RPS6KA1: variants seen among roughly 807,000 people sequenced by gnomAD.
RPS6KA1 encodes the protein ribosomal protein S6 kinase alpha-1.
RPS6KA1 carries 48 observed loss-of-function variants against 91.3 expected under a neutral mutation model. The observed-to-expected ratio is 0.53, with a 90% CI of 0.42 to 0.67. The LOEUF (loss-of-function observed/expected upper bound fraction) is 0.67. RPS6KA1 is among the 30% of genes least tolerant of loss of function. The probability of loss-of-function intolerance (pLI) is 0.00; values close to 1 mark genes in which losing one functional copy is unlikely to be tolerated. For synonymous variants in RPS6KA1, 359 were observed against 384.7 expected (o/e 0.93, Z 0.78); for missense variants, 719 against 960.5 (o/e 0.75, Z 3.32).
At chr1:26,570,383 G>A (rs1570464597) in intron 17 of RPS6KA1, among the ~76,000 whole-genome samples, 1 of 152,140 alleles carries the variant, frequency 6.6e-6, no homozygotes, top group Admixed American at 6.6e-5. Flanking sequence ...AGCTGCTTGC[G>A]AGGTCGAGGT....
chr1:26,572,119 C>A, intron 19 of RPS6KA1, 57 bp from the exon 20 acceptor site: 1 of 1,481,094 alleles, frequency 6.8e-7, no homozygotes, highest in South Asian at 1.1e-5. Context: ...CCACCGCAGC[C>A]CCAGCCCCAG....
Position 26,574,984 on chromosome 1 carries a change from G to T in RPS6KA1, c.*783G>T, listed in dbSNP as rs982465509. The T allele has an allele frequency of 1.8e-5, 3 of 165,458 alleles. No individual in the cohort carries two copies. Among genetic ancestry groups the T allele is most frequent in the Non-Finnish European group, 4.0e-5 (3 of 75,604 alleles). The allele number at this position is 165,458 out of a possible 1,614,324, so 10.2% of individuals were successfully genotyped here. A position where few individuals can be genotyped will look rare whatever the true frequency, so the allele number is the denominator to read the frequency against. On this transcript the variant is annotated 3_prime_UTR_variant, in exon 22 of 22. Coordinates refer to ENST00000374168, the MANE Select transcript of RPS6KA1 (RefSeq NM_002953.4). This position sits in a 1 kb window ranked among gnomAD's most constrained non-coding sequence, Gnocchi z 4.3. The stretch of plus-strand genomic sequence containing the variant: ...TTTCTTCCTCAGCTGGTTACTCAGG[G>T]TTCATCTGTCCATGGCCTTTCTAAT...
chr1:26,544,275 G>A (rs1570428292), intron 2 of RPS6KA1: 1 of 451,616 alleles, frequency 2.2e-6, no homozygotes, highest in East Asian at 7.0e-5. Context: ...GTCTCCACTT[G>A]ATAAGTGCCT....
intron 4 of RPS6KA1, among the ~76,000 whole-genome samples, chr1:26,550,783 C>T (rs1184026250): frequency 6.6e-6 from 1 of 152,174 alleles, no homozygotes; most frequent in Non-Finnish European, 1.5e-5. Flanking sequence ...AATTAAGGAG[C>T]GCTTCCTGGA....
At chr1:26,553,939 G>A (rs2076076053) in intron 7 of RPS6KA1, 3 of 413,352 alleles carry the variant, frequency 7.3e-6, no homozygotes, top group Non-Finnish European at 1.3e-5. Flanking sequence ...CTCAATGACT[G>A]TAGAGCTACT....
At position 26,547,145 on chromosome 1, in the gene RPS6KA1, G is replaced by C; in HGVS notation, c.226-44G>C. 6.2e-7 allele frequency: 1 copy of C among 1,603,112 alleles called. No individual in the cohort carries two copies. The highest frequency in any genetic ancestry group is 8.5e-7 in the Non-Finnish European group (1 of 1,170,382). The stretch of plus-strand genomic sequence containing the variant: ...GAAGATAGAGGTCAGCCTGGACTCA[G>C]ACCTCTCCCATCTTCTGCCCTGCTT... On this transcript the variant is annotated intron_variant, in intron 3 of 21. Coordinates refer to ENST00000374168, the MANE Select transcript of RPS6KA1 (RefSeq NM_002953.4). This position sits in a 1 kb window ranked among gnomAD's most constrained non-coding sequence, Gnocchi z 4.1.
chr1:26,547,165 C>G lies in RPS6KA1; in HGVS notation c.226-24C>G. 1.2e-6 allele frequency: 2 copies of G among 1,613,184 alleles called. No individual in the cohort carries two copies. The highest frequency in any genetic ancestry group is 8.5e-7 in the Non-Finnish European group (1 of 1,179,276). ...ACTCAGACCTCTCCCATCTTCTGCCCTGCTTCCTGCTCTGCCTTCTCAGGT... is the reference window on the plus strand; with the variant it reads ...ACTCAGACCTCTCCCATCTTCTGCCGTGCTTCCTGCTCTGCCTTCTCAGGT... On this transcript the variant is annotated intron_variant, in intron 3 of 21. Transcript: ENST00000374168. The surrounding 1 kb of genome is among the most constrained non-coding windows in gnomAD (Gnocchi z 4.1).
At position 26,574,820 on chromosome 1, in the gene RPS6KA1, GATCCC is replaced by G; in HGVS notation, c.*620_*624del. On this transcript the variant is annotated 3_prime_UTR_variant, in exon 22 of 22. Transcript: ENST00000374168. This position sits in a 1 kb window ranked among gnomAD's most constrained non-coding sequence, Gnocchi z 4.3. ...AGCATCCACCTTGGCTCTGCCAGTG[GATCCC>G]CTGCGGTCAGGCTGGGCAGCCCCAG... The G allele has an allele frequency of 4.2e-6, 1 of 236,102 alleles. No homozygotes were observed. Among genetic ancestry groups the G allele is most frequent in the Non-Finnish European group, 8.6e-6 (1 of 115,638 alleles). 14.6% of individuals were successfully genotyped at this position (236,102 alleles called of 1,614,324 possible).
intron 1 of RPS6KA1, 105 bp downstream of exon 1, chr1:26,530,088 G>C: frequency 1.5e-6 from 1 of 675,814 alleles, no homozygotes; most frequent in Non-Finnish European, 2.0e-6. Context: ...GCGCCCGCGA[G>C]GGCGCGAGTG....
At chr1:26,565,514 G>C (rs2076191576) in intron 17 of RPS6KA1, among the ~76,000 whole-genome samples, 1 of 150,276 alleles carries the variant, frequency 6.7e-6, no homozygotes, top group Admixed American at 6.6e-5. Context: ...AATTCTAGTA[G>C]GTTTATTTTG....
Position 26,554,590 on chromosome 1 carries a change from C to T in RPS6KA1, c.614-6C>T, listed in dbSNP as rs985342579. The T allele has an allele frequency of 1.1e-5, 18 of 1,609,570 alleles. No homozygotes were observed. Among genetic ancestry groups the T allele is most frequent in the Non-Finnish European group, 1.5e-5 (18 of 1,176,888 alleles). On this transcript the variant is annotated splice_polypyrimidine_tract_variant and splice_region_variant and intron_variant, in intron 8 of 21. Transcript: ENST00000374168. The surrounding 1 kb of genome is among the most constrained non-coding windows in gnomAD (Gnocchi z 4.6). ...AAGGTGTGTCCTCCTGCCCTCCTTG[C>T]TGTAGACTTTGGCCTGAGCAAAGAG...
At chr1:26,565,616 A>G (rs1480980877) in intron 17 of RPS6KA1, among the ~76,000 whole-genome samples, 1 of 150,080 alleles carries the variant, frequency 6.7e-6, no homozygotes, top group Admixed American at 6.6e-5. Flanking sequence ...GCTGGAGTGC[A>G]ATGGCATGGT....
intron 7 of RPS6KA1, 153 bp downstream of exon 7, chr1:26,553,650 C>T (rs1156948264): frequency 1.5e-5 from 7 of 475,310 alleles, no homozygotes. Flanking sequence ...GTGGTAGTGC[C>T]AGCTGCCCAG....
intron 14 of RPS6KA1, 40 bp from the exon 15 acceptor site, chr1:26,560,686 C>T: frequency 6.2e-7 from 1 of 1,613,604 alleles, no homozygotes; most frequent in Non-Finnish European, 8.5e-7. Flanking sequence ...CCCTAGCACT[C>T]TAGAGCCAGG....
chr1:26,553,751 T>C (rs2076074507), intron 7 of RPS6KA1: 1 of 288,598 alleles, frequency 3.5e-6, no homozygotes. Context: ...ACATTTGAGA[T>C]GCCACCTTTA....
chr1:26,556,885 C>T lies in RPS6KA1; in HGVS notation c.982-113C>T, dbSNP rs139139800. On this transcript the variant is annotated intron_variant, in intron 12 of 21. Transcript: ENST00000374168. ...CTGGCCTCCTGAGGGCAAGCAATTCCGAGAGCTGGGCAATATGGCCTATGT... is the reference window on the plus strand; with the variant it reads ...CTGGCCTCCTGAGGGCAAGCAATTCTGAGAGCTGGGCAATATGGCCTATGT... The T allele has an allele frequency of 1.7e-4, 193 of 1,164,732 alleles. No individual in the cohort carries two copies. In the East Asian group the frequency reaches 1.8e-3, roughly 11 times the overall value. The allele number at this position is 1,164,732 out of a possible 1,614,324, so 72.1% of individuals were successfully genotyped here. A position where few individuals can be genotyped will look rare whatever the true frequency, so the allele number is the denominator to read the frequency against.
intron 4 of RPS6KA1, among the ~76,000 whole-genome samples, chr1:26,549,157 G>T (rs1425468243): frequency 6.6e-6 from 1 of 150,766 alleles, no homozygotes; most frequent in African/African-American, 2.4e-5. Context: ...TATGAGGCTG[G>T]AGAGGAAACT....
chr1:26,536,793 C>T, intron 1 of RPS6KA1, 132 bp from the exon 2 acceptor site: 1 of 971,254 alleles, frequency 1.0e-6, no homozygotes, highest in South Asian at 1.4e-5. Flanking sequence ...GGGACCCACC[C>T]AGGACTCCTG....
rs1218329129 is a variant in RPS6KA1, at chr1:26,529,865, G to C, written c.-56G>C. 6 of 1,357,094 alleles carry C rather than the reference G, an allele frequency of 4.4e-6. No individual in the cohort carries two copies. Among genetic ancestry groups the C allele is most frequent in the Non-Finnish European group, 5.8e-6 (6 of 1,040,582 alleles). The allele number at this position is 1,357,094 out of a possible 1,614,324, so 84.1% of individuals were successfully genotyped here. Reference sequence around the variant, plus strand: ...CGCAGAGCCAGGGACCCCAGGACCCGGGAGGCGGCGCAGCCGGGGCCGCCG... The same window carrying C: ...CGCAGAGCCAGGGACCCCAGGACCCCGGAGGCGGCGCAGCCGGGGCCGCCG... On this transcript the variant is annotated 5_prime_UTR_variant, in exon 1 of 22. Coordinates refer to ENST00000374168, the MANE Select transcript of RPS6KA1 (RefSeq NM_002953.4). The surrounding 1 kb of genome is among the most constrained non-coding windows in gnomAD (Gnocchi z 4.2).
Sources: allele counts gnomAD v4.1 joint callset (sites outside exome capture counted in the v4.1 genomes callset), GRCh38; gene constraint gnomAD v4.1.1; non-coding constraint Gnocchi (gnomAD v3.1); transcripts MANE v1.5; gene names NCBI Gene and HGNC (gene_info 2026-07-23, HGNC 2026-07-21).